Variants in TRAF3IP1 observed in about 807,000 individuals in gnomAD.
TRAF3IP1 encodes the protein TRAF3-interacting protein 1.
Under a neutral mutation model 89.9 loss-of-function variants are expected in TRAF3IP1, and 53 were observed. The ratio of observed to expected loss-of-function variants is 0.59; its 90% CI spans 0.47 to 0.74. The LOEUF is 0.74. TRAF3IP1 is among the 30% of genes least tolerant of loss of function. TRAF3IP1 has a pLI of 0.00. For synonymous variants in TRAF3IP1, 311 were observed against 322.1 expected (o/e 0.97, Z 0.37); for missense variants, 806 against 866.1 (o/e 0.93, Z 0.87).
At chr2:238,321,516 A>G (rs1243838228) in intron 1 of TRAF3IP1, among the ~76,000 whole-genome samples, 1 of 152,070 alleles carries the variant, frequency 6.6e-6, no homozygotes, top group African/African-American at 2.4e-5. Flanking sequence ...CTACGTTGAG[A>G]TTGGTGGTCT....
chr2:238,359,378 A>G (rs369400626), intron 15 of TRAF3IP1, among the ~76,000 whole-genome samples: 10 of 151,656 alleles, frequency 6.6e-5, no homozygotes, highest in East Asian at 3.9e-4. Flanking sequence ...CCACGCCCCA[A>G]CCCCAGCAGC....
chr2:238,384,837 A>G (rs1052634106), intron 15 of TRAF3IP1, among the ~76,000 whole-genome samples: 4 of 152,176 alleles, frequency 2.6e-5, no homozygotes, highest in African/African-American at 9.7e-5. Context: ...TATAATCAAA[A>G]GTGAGATAGA....
At chr2:238,321,175 G>A (rs1023135025) in intron 1 of TRAF3IP1, among the ~76,000 whole-genome samples, 1 of 152,224 alleles carries the variant, frequency 6.6e-6, no homozygotes, top group Non-Finnish European at 1.5e-5. Context: ...GGAGGCTCCG[G>A]GCCCTCAGGA....
chr2:238,347,817 G>A (rs1698966979), intron 10 of TRAF3IP1, among the ~76,000 whole-genome samples: 1 of 151,910 alleles, frequency 6.6e-6, no homozygotes, highest in Admixed American at 6.6e-5. Flanking sequence ...AGTAGAGACG[G>A]GGTTTCTCCA....
Position 238,351,224 on chromosome 2 carries a change from G to A in TRAF3IP1, c.1452-1603G>A, listed in dbSNP as rs1699136598. 6.6e-6 allele frequency among the ~76,000 whole-genome samples: 1 copy of A among 152,068 alleles called. No individual in the cohort carries two copies. The highest frequency in any genetic ancestry group is 2.4e-5 in the African/African-American group (1 of 41,370). On this transcript the variant is annotated intron_variant, in intron 12 of 16. Transcript: ENST00000373327. This position sits in a 1 kb window ranked among gnomAD's most constrained non-coding sequence, Gnocchi z 5.2. ...TCAGGGACCCAAGGCCAGGATTTTG[G>A]AAGGATCATTTCTCAATACTTGAAA...
intron 7 of TRAF3IP1, among the ~76,000 whole-genome samples, chr2:238,334,909 T>C (rs1309227348): frequency 6.6e-6 from 1 of 152,150 alleles, no homozygotes; most frequent in Non-Finnish European, 1.5e-5. Flanking sequence ...CCCCACACCT[T>C]CTCCAGTGTT....
chr2:238,354,621 A>ATT (rs1442982222), intron 14 of TRAF3IP1, among the ~76,000 whole-genome samples: 3 of 151,738 alleles, frequency 2.0e-5, no homozygotes, highest in Non-Finnish European at 4.4e-5. Flanking sequence ...ACGCTGAAGG[A>ATT]TTTTATTTTA....
At chr2:238,387,042 C>A (rs1304595809) in intron 15 of TRAF3IP1, among the ~76,000 whole-genome samples, 1 of 152,186 alleles carries the variant, frequency 6.6e-6, no homozygotes, top group Admixed American at 6.5e-5. Flanking sequence ...TAAGGAATTG[C>A]ATGTTTTATT....
intron 3 of TRAF3IP1, among the ~76,000 whole-genome samples, chr2:238,326,635 C>CCTT (rs552093438): frequency 1.3e-5 from 2 of 152,114 alleles, no homozygotes; most frequent in Non-Finnish European, 2.9e-5. Context: ...CCAGGGTCTT[C>CCTT]CTTCTTTTGA....
At chr2:238,357,959 T>C (rs1699493208) in intron 15 of TRAF3IP1, among the ~76,000 whole-genome samples, 1 of 152,202 alleles carries the variant, frequency 6.6e-6, no homozygotes, top group Non-Finnish European at 1.5e-5. Flanking sequence ...TCTGCTGTTT[T>C]GAAAAAGAGT....
intron 5 of TRAF3IP1, among the ~76,000 whole-genome samples, chr2:238,330,785 A>G (rs967118646): frequency 2.2e-4 from 34 of 152,184 alleles, no homozygotes; most frequent in African/African-American, 7.2e-4. Flanking sequence ...TTTGTTAGTA[A>G]TTGAACGTAG....
chr2:238,386,737 T>C (rs1700789475), intron 15 of TRAF3IP1, among the ~76,000 whole-genome samples: 1 of 152,202 alleles, frequency 6.6e-6, no homozygotes, highest in South Asian at 2.1e-4. Context: ...TTAAGGTCCA[T>C]CAGAAAGGCC....
chr2:238,397,180 A>G (rs565850634), intron 15 of TRAF3IP1, among the ~76,000 whole-genome samples: 13 of 152,290 alleles, frequency 8.5e-5, no homozygotes, highest in Non-Finnish European at 1.6e-4. Flanking sequence ...TTGCCCTCAG[A>G]TGGATTTCCA....
In TRAF3IP1 at chr2:238,325,851, G is replaced by C. The variant is rs771514528; in HGVS notation, c.235G>C (p.Val79Leu). The stretch of plus-strand genomic sequence containing the variant: ...TAGCTTCCTACAAAAGGCCATAGAC[G>C]TGGTTGTAATGGTGTCGGGAGAGCC... ...KISFLQKAID[V>L]VVMVSGEPLL... Residue 79 changes from valine to leucine, a missense_variant, in exon 3 of 17, where the codon GTG becomes CTG. Transcript: ENST00000373327. 6.2e-6 allele frequency: 10 copies of C among 1,614,022 alleles called. No homozygotes were observed. The African/African-American group carries it at 1.3e-4, about 22-fold the overall frequency.
At chr2:238,332,029 C>T (rs927932736) in intron 5 of TRAF3IP1, among the ~76,000 whole-genome samples, 1 of 152,222 alleles carries the variant, frequency 6.6e-6, no homozygotes, top group Non-Finnish European at 1.5e-5. Context: ...CTAAGTTAGA[C>T]TGGCCATGTG....
chr2:238,396,729 C>T (rs1701241079), intron 15 of TRAF3IP1, among the ~76,000 whole-genome samples: 1 of 152,130 alleles, frequency 6.6e-6, no homozygotes, highest in African/African-American at 2.4e-5. Context: ...TGCAGCTCCC[C>T]ACTCGTCTCT....
chr2:238,348,648 A>G, intron 10 of TRAF3IP1, 116 bp from the exon 11 acceptor site: 1 of 857,062 alleles, frequency 1.2e-6, no homozygotes, highest in East Asian at 2.6e-5. Flanking sequence ...TTGTATTTGC[A>G]ATTACAAATG....
Position 238,325,411 on chromosome 2 carries a change from C to G in TRAF3IP1, c.192+37C>G, listed in dbSNP as rs759909450. 23 of 1,608,708 alleles carry G rather than the reference C, an allele frequency of 1.4e-5. No homozygotes were observed. The South Asian group carries it at 2.1e-4, about 15-fold the overall frequency. On this transcript the variant is annotated intron_variant, in intron 2 of 16. Transcript: ENST00000373327. ...TCGGGCTTCTCCTATTGACTCCTCGCCTTAACGGATGGGATTTTTTGTAGG... is the reference window on the plus strand; with the variant it reads ...TCGGGCTTCTCCTATTGACTCCTCGGCTTAACGGATGGGATTTTTTGTAGG...
intron 1 of TRAF3IP1, among the ~76,000 whole-genome samples, chr2:238,323,077 C>A (rs1428876232): frequency 2.2e-5 from 3 of 139,266 alleles, no homozygotes; most frequent in African/African-American, 8.6e-5. Context: ...AGTTATTGTT[C>A]ACAATTTTTT....
Sources: allele counts gnomAD v4.1 joint callset (sites outside exome capture counted in the v4.1 genomes callset), GRCh38; gene constraint gnomAD v4.1.1; non-coding constraint Gnocchi (gnomAD v3.1); transcripts MANE v1.5; gene names NCBI Gene and HGNC (gene_info 2026-07-23, HGNC 2026-07-21).